The following FAM13A variants were observed in gnomAD, a reference collection of about 807,000 sequenced individuals.
FAM13A encodes protein FAM13A.
A neutral mutation model predicts 129.6 loss-of-function variants in FAM13A; 76 were observed. The observed-to-expected ratio is 0.59, with a 90% CI of 0.49 to 0.71. FAM13A has a LOEUF of 0.71. Among genes scored for constraint, FAM13A ranks in the 30% least tolerant of loss-of-function variants. The pLI, the probability that FAM13A is intolerant of heterozygous loss-of-function variation, is 0.00. For missense variants in FAM13A, 1,108 were observed against 1,249.3 expected (o/e 0.89, Z 1.70); for synonymous variants, 443 against 449.9 (o/e 0.98, Z 0.20).
At chr4:88,815,946 G>T (rs1221559150) in intron 7 of FAM13A, among the ~76,000 whole-genome samples, 3 of 150,756 alleles carry the variant, frequency 2.0e-5, no homozygotes, top group Admixed American at 1.3e-4. Context: ...ATTAATAGTT[G>T]CTATCTGTAC....
Position 88,991,103 on chromosome 4 carries a change from CTTTTA to C in FAM13A, c.470_474del (p.Ile157ArgfsTer50). 6.2e-7 allele frequency: 1 copy of C among 1,613,820 alleles called. No homozygotes were observed. The highest frequency in any genetic ancestry group is 8.5e-7 in the Non-Finnish European group (1 of 1,179,844). On this transcript the variant is annotated frameshift_variant, in exon 4 of 24. Transcript: ENST00000264344. LOFTEE classifies it high-confidence loss of function. ...AGGCAGTAGTGGGTGTCTGGCAGCT[CTTTTA>C]TTAAGTCTCTTAAGCTACTCTCCTG...
chr4:88,923,454 C>T (rs1182698571), intron 5 of FAM13A, among the ~76,000 whole-genome samples: 1 of 152,184 alleles, frequency 6.6e-6, no homozygotes, highest in Non-Finnish European at 1.5e-5. Flanking sequence ...ACAAAAACCA[C>T]ATGATTATCT....
rs748485574 is a variant in FAM13A, at chr4:88,938,188, A to G, written c.659T>C (p.Met220Thr). 1.2e-6 allele frequency: 2 copies of G among 1,613,512 alleles called. No homozygotes were observed. Among genetic ancestry groups the G allele is most frequent in the Admixed American group, 3.3e-5 (2 of 59,974 alleles). ...ATTGTAATTTTCTAGAATTTTAGCC[A>G]TTATCTTGTTGCACAGGTCCTGTTC... is the stretch of plus-strand genomic sequence containing the variant. ...MKEQDLCNKI[M>T]AKILENYNTL... The change falls in exon 5 of 24, where the codon ATG (methionine) becomes ACG (threonine). Residue 220 changes from methionine to threonine, a missense_variant. Physicochemically the swap from Met to Thr is moderately conservative, Grantham distance 81. Around this residue, in one of 3 missense-constraint regions of FAM13A, gnomAD observed 566 missense variants for 595.7 expected, o/e 0.95. Transcript: ENST00000264344.
At chr4:88,857,560 C>T (rs1449512176) in intron 6 of FAM13A, among the ~76,000 whole-genome samples, 2 of 136,346 alleles carry the variant, frequency 1.5e-5, no homozygotes, top group African/African-American at 2.8e-5. Flanking sequence ...ACCTGGGAGG[C>T]GGAGGTTGCA....
chr4:88,873,520 C>G (rs1741803722), intron 6 of FAM13A, among the ~76,000 whole-genome samples: 1 of 152,156 alleles, frequency 6.6e-6, no homozygotes, highest in Admixed American at 6.5e-5. Context: ...TACCTCTAGG[C>G]AAATAAACTA....
At chr4:89,010,962 C>T (rs1171151045) in intron 3 of FAM13A, among the ~76,000 whole-genome samples, 1 of 152,136 alleles carries the variant, frequency 6.6e-6, no homozygotes, top group African/African-American at 2.4e-5. Context: ...ATTTTCCTGC[C>T]TCAGCCTTCT....
chr4:88,755,771 G>A (rs1743491678), intron 14 of FAM13A, among the ~76,000 whole-genome samples: 1 of 152,192 alleles, frequency 6.6e-6, no homozygotes, highest in South Asian at 2.1e-4. Flanking sequence ...AGCAGTAAGT[G>A]ATGAGTTAGA....
At chr4:89,025,413 C>T (rs902827231) in intron 2 of FAM13A, among the ~76,000 whole-genome samples, 2 of 150,762 alleles carry the variant, frequency 1.3e-5, no homozygotes, top group African/African-American at 2.4e-5. Flanking sequence ...TACAGGCGCC[C>T]GCCACCGCGC....
intron 4 of FAM13A, among the ~76,000 whole-genome samples, chr4:88,979,824 A>G (rs985664339): frequency 1.3e-5 from 2 of 152,124 alleles, no homozygotes; most frequent in African/African-American, 2.4e-5. Context: ...TACAAAAATT[A>G]GCCAGGTGTG....
intron 7 of FAM13A, among the ~76,000 whole-genome samples, chr4:88,823,730 C>A (rs1292098740): frequency 6.6e-6 from 1 of 152,204 alleles, no homozygotes; most frequent in Non-Finnish European, 1.5e-5. Context: ...CCTCTAGACC[C>A]TTGCCCTACC....
At chr4:88,949,954 A>T (rs191436589) in intron 4 of FAM13A, among the ~76,000 whole-genome samples, 22 of 152,318 alleles carry the variant, frequency 1.4e-4, no homozygotes, top group African/African-American at 5.3e-4. Context: ...AACCATGTCT[A>T]CATAGTAATC....
At chr4:89,022,839 C>T (rs192353542) in intron 2 of FAM13A, among the ~76,000 whole-genome samples, 57 of 152,278 alleles carry the variant, frequency 3.7e-4, no homozygotes, top group Middle Eastern at 6.8e-3. Flanking sequence ...CTCTGGCCAA[C>T]GACCAGTGAA....
chr4:88,927,313 T>G (rs1393305951), intron 5 of FAM13A, among the ~76,000 whole-genome samples: 1 of 152,080 alleles, frequency 6.6e-6, no homozygotes, highest in Non-Finnish European at 1.5e-5. Context: ...ATCAAATTTG[T>G]ATCTCGAGCC....
chr4:88,798,769 C>T lies in FAM13A; in HGVS notation c.1049+6242G>A, dbSNP rs187287157. On this transcript the variant is annotated intron_variant, in intron 8 of 23. Transcript: ENST00000264344. ...AGAAAGCTGGGAGTACTGTATCAGG[C>T]AAAGGCAGTCTGCTACCTGTTTAAA... 2.6e-5 allele frequency among the ~76,000 whole-genome samples: 4 copies of T among 152,204 alleles called. No individual in the cohort carries two copies. The East Asian group carries it at 7.7e-4, about 29-fold the overall frequency.
At chr4:89,033,743 AT>A (rs1560891102) in intron 1 of FAM13A, among the ~76,000 whole-genome samples, 1 of 152,208 alleles carries the variant, frequency 6.6e-6, no homozygotes. Flanking sequence ...AGTTTTTACA[AT>A]AGCTAACACA....
intron 4 of FAM13A, among the ~76,000 whole-genome samples, chr4:88,966,622 A>G (rs1759383767): frequency 6.6e-6 from 1 of 152,110 alleles, no homozygotes; most frequent in South Asian, 2.1e-4. Flanking sequence ...AGGTTCAACT[A>G]AAGTTGAATC....
chr4:88,927,511 T>A (rs1296789323), intron 5 of FAM13A, among the ~76,000 whole-genome samples: 1 of 151,786 alleles, frequency 6.6e-6, no homozygotes, highest in Non-Finnish European at 1.5e-5. Context: ...TGGTAGAATT[T>A]TTTTTAATAC....
At chr4:88,831,448 G>C (rs894763886) in intron 7 of FAM13A, among the ~76,000 whole-genome samples, 15 of 152,118 alleles carry the variant, frequency 9.9e-5, no homozygotes, top group African/African-American at 3.6e-4. Flanking sequence ...CTGATTCTAT[G>C]TCTATAAAAC....
At chr4:88,741,938 A>G (rs989697246) in intron 19 of FAM13A, among the ~76,000 whole-genome samples, 2 of 152,232 alleles carry the variant, frequency 1.3e-5, no homozygotes, top group Non-Finnish European at 2.9e-5. Flanking sequence ...CACATGTAAA[A>G]TGACAGAATT....
Sources: gnomAD v4.1 joint callset for allele counts (sites outside exome capture counted in the v4.1 genomes callset) on GRCh38, gnomAD v4.1.1 for gene constraint, gnomAD v4.1.1 regional missense constraint, MANE v1.5 for transcripts, NCBI Gene and HGNC (gene_info 2026-07-23, HGNC 2026-07-21) for gene names.